BIRC6: variants seen among roughly 807,000 people sequenced by gnomAD.
BIRC6 encodes the protein baculoviral IAP repeat containing 6.
In BIRC6, 98 loss-of-function variants were observed where a neutral mutation model predicts 503.3. That is an observed-to-expected ratio of 0.19 (90% CI 0.17 to 0.23). The LOEUF (loss-of-function observed/expected upper bound fraction) is 0.23. Among genes scored for constraint, BIRC6 ranks in the 10% least tolerant of loss-of-function variants. BIRC6 has a pLI of 1.00. For synonymous variants in BIRC6, 2,240 were observed against 2,078.7 expected, an observed-to-expected ratio of 1.08 and a Z score of -2.11; for missense variants, 5,360 against 5,806.0, an observed-to-expected ratio of 0.92 and a Z score of 2.50.
At chr2:32,538,866 C>T (rs1476116485) in intron 61 of BIRC6, among the ~76,000 whole-genome samples, 1 of 152,170 alleles carries the variant, frequency 6.6e-6, no homozygotes, top group African/African-American at 2.4e-5. Context: ...TGAGATCGTG[C>T]CCCTGCACTG....
At chr2:32,492,603 A>G (rs969196739) in intron 44 of BIRC6, among the ~76,000 whole-genome samples, 1 of 152,100 alleles carries the variant, frequency 6.6e-6, no homozygotes, top group Non-Finnish European at 1.5e-5. Flanking sequence ...CCCAAATTAC[A>G]TAACTAGTTA....
intron 65 of BIRC6, among the ~76,000 whole-genome samples, chr2:32,568,821 G>A (rs998629356): frequency 1.3e-5 from 2 of 151,122 alleles, no homozygotes; most frequent in Admixed American, 6.6e-5. Context: ...TCCAGTCTGG[G>A]CAACAGGAGC....
chr2:32,363,763 G>A (rs1015133291), intron 1 of BIRC6, among the ~76,000 whole-genome samples: 11 of 152,130 alleles, frequency 7.2e-5, no homozygotes, highest in African/African-American at 2.7e-4. Flanking sequence ...TAGGATGGTG[G>A]GGAAGACTAA....
chr2:32,538,667 A>G (rs758216613), intron 61 of BIRC6, among the ~76,000 whole-genome samples: 1 of 152,270 alleles, frequency 6.6e-6, no homozygotes, highest in Non-Finnish European at 1.5e-5. Context: ...ATGGTGGCTC[A>G]TGCCAGTAAT....
In BIRC6 at chr2:32,617,962, C is replaced by T. The variant is rs1162191087; in HGVS notation, c.*58C>T. 4.8e-6 allele frequency: 7 copies of T among 1,469,724 alleles called. No homozygotes were observed. The highest frequency in any genetic ancestry group is 6.5e-6 in the Non-Finnish European group (7 of 1,076,710). 91.0% of individuals were successfully genotyped at this position (1,469,724 alleles called of 1,614,324 possible). On this transcript the variant is annotated 3_prime_UTR_variant, in exon 74 of 74. Transcript: ENST00000421745. ...GCTTCGAAGCACAAGCCAAATATGT[C>T]AATATTTGTATGTAAGAAACTAATT...
chr2:32,502,189 C>T (rs2053271794), intron 47 of BIRC6, among the ~76,000 whole-genome samples: 1 of 152,048 alleles, frequency 6.6e-6, no homozygotes, highest in Non-Finnish European at 1.5e-5. Flanking sequence ...TAGTGTAATA[C>T]TGAGGTGTTC....
chr2:32,360,924 A>G (rs995541582), intron 1 of BIRC6, among the ~76,000 whole-genome samples: 2 of 151,358 alleles, frequency 1.3e-5, no homozygotes, highest in African/African-American at 2.4e-5. Context: ...ATATTTATTT[A>G]TTATTATTGT....
At chr2:32,400,274 A>T (rs2040449524) in intron 6 of BIRC6, among the ~76,000 whole-genome samples, 1 of 150,048 alleles carries the variant, frequency 6.7e-6, no homozygotes. Context: ...TACATAAGGT[A>T]TATTTCTGTG....
chr2:32,476,656 T>A (rs752227523), intron 34 of BIRC6, among the ~76,000 whole-genome samples: 2 of 152,168 alleles, frequency 1.3e-5, no homozygotes, highest in African/African-American at 2.4e-5. Flanking sequence ...TACAAAATTA[T>A]ACAAGATGAT....
intron 69 of BIRC6, among the ~76,000 whole-genome samples, chr2:32,599,326 TAAAA>T (rs61611664): frequency 8.2e-6 from 1 of 121,642 alleles, no homozygotes. Context: ...GAGACTGTCT[TAAAA>T]AAAAAAAAAA....
At chr2:32,521,393 A>AAAAT (rs2055667204) in intron 57 of BIRC6, among the ~76,000 whole-genome samples, 1 of 141,244 alleles carries the variant, frequency 7.1e-6, no homozygotes, top group African/African-American at 2.6e-5. Context: ...AAAAAAAAAA[A>AAAAT]GCAAAGACAA....
At chr2:32,566,275 T>C (rs752269644) in intron 65 of BIRC6, 3 of 152,190 alleles carry the variant, frequency 2.0e-5, no homozygotes, top group Non-Finnish European at 4.4e-5. Context: ...AAATAGGTTC[T>C]TTTTTGAGAT....
chr2:32,544,397 T>G (rs530994748), intron 62 of BIRC6, among the ~76,000 whole-genome samples: 1 of 151,882 alleles, frequency 6.6e-6, no homozygotes, highest in South Asian at 2.1e-4. Flanking sequence ...GGGTTGGCAT[T>G]GTTATTTAAT....
At chr2:32,473,332 C>A in intron 33 of BIRC6, 93 bp downstream of exon 33, 1 of 1,027,038 alleles carries the variant, frequency 9.7e-7, no homozygotes, top group Non-Finnish European at 1.4e-6. Context: ...TGAGGTATAA[C>A]ATTTAATGGG....
intron 65 of BIRC6, among the ~76,000 whole-genome samples, chr2:32,573,437 C>A (rs1161387546): frequency 6.6e-6 from 1 of 152,152 alleles, no homozygotes; most frequent in Non-Finnish European, 1.5e-5. Flanking sequence ...CCCCGGTGAT[C>A]CATCAGCCTC....
chr2:32,395,383 T>C (rs2039759821), intron 5 of BIRC6, 128 bp from the exon 6 acceptor site: 2 of 650,052 alleles, frequency 3.1e-6, no homozygotes, highest in Non-Finnish European at 2.5e-6. Context: ...CCTAATATTA[T>C]AGGCTAATTT....
intron 72 of BIRC6, among the ~76,000 whole-genome samples, chr2:32,609,738 A>G (rs1330627074): frequency 6.3e-5 from 9 of 142,826 alleles, no homozygotes; most frequent in African/African-American, 2.4e-4. Flanking sequence ...CAGCACGGTG[A>G]GACTCTGTCT....
At chr2:32,578,717 G>A (rs1055265662) in intron 66 of BIRC6, among the ~76,000 whole-genome samples, 1 of 151,740 alleles carries the variant, frequency 6.6e-6, no homozygotes, top group African/African-American at 2.4e-5. Context: ...AATCACTTGA[G>A]CCTGGGAGGT....
rs573291828 is a variant in BIRC6, at chr2:32,368,463, C to G, written c.326-9125C>G. Among the ~76,000 whole-genome samples the G allele has an allele frequency of 3.9e-5, 6 of 152,146 alleles. No individual in the cohort carries two copies. The South Asian group carries it at 1.0e-3, about 26-fold the overall frequency. Reference sequence around the variant, plus strand: ...GCTGAGGCAGAAGAATCGCTTGAACCCAGGCGGCAGAGGTTGCAGTGAGCT... The same window carrying G: ...GCTGAGGCAGAAGAATCGCTTGAACGCAGGCGGCAGAGGTTGCAGTGAGCT... On this transcript the variant is annotated intron_variant, in intron 1 of 73. Coordinates refer to ENST00000421745, the MANE Select transcript of BIRC6 (RefSeq NM_016252.4).
Sources: gnomAD v4.1 joint callset for allele counts (sites outside exome capture counted in the v4.1 genomes callset) on GRCh38, gnomAD v4.1.1 for gene constraint, MANE v1.5 for transcripts, NCBI Gene and HGNC (gene_info 2026-07-23, HGNC 2026-07-21) for gene names.